ACACB: variants seen among roughly 807,000 people sequenced by gnomAD.
ACACB encodes the protein acetyl-CoA carboxylase 2.
Under a neutral mutation model 278.8 loss-of-function variants are expected in ACACB, and 209 were observed. The ratio of observed to expected loss-of-function variants is 0.75; its 90% CI spans 0.67 to 0.84. ACACB has a LOEUF of 0.84. Ranked by LOEUF, ACACB falls within the 40% of genes least tolerant of loss-of-function variation. ACACB has a pLI of 0.00. For missense variants in ACACB, 2,850 were observed against 3,269.0 expected, an observed-to-expected ratio of 0.87 and a Z score of 3.13; for synonymous variants, 1,174 against 1,285.6, an observed-to-expected ratio of 0.91 and a Z score of 1.86.
chr12:109,210,270 C>CACACATATCTGCGTGTATATGTAT lies in ACACB; in HGVS notation c.3249+918_3249+919insCACATATCTGCGTGTATATGTATA, dbSNP rs1565927678. On this transcript the variant is annotated intron_variant, in intron 21 of 52. Transcript: ENST00000338432. ...ATATACACACATGTGTGTATATGTA[C>CACACATATCTGCGTGTATATGTAT]ATATACACACACATATCTGTGTGTA... Among the ~76,000 whole-genome samples the CACACATATCTGCGTGTATATGTAT allele has an allele frequency of 1.1e-3, 21 of 19,940 alleles. 2 individuals are homozygous for CACACATATCTGCGTGTATATGTAT. Among genetic ancestry groups the CACACATATCTGCGTGTATATGTAT allele is most frequent in the Non-Finnish European group, 1.6e-3 (17 of 10,882 alleles). 13.1% of individuals were successfully genotyped at this position (19,940 alleles called of 152,430 possible). A position where few individuals can be genotyped will look rare whatever the true frequency, so the allele number is the denominator to read the frequency against.
chr12:109,234,286 G>T (rs1170920763), intron 31 of ACACB, among the ~76,000 whole-genome samples: 1 of 152,168 alleles, frequency 6.6e-6, no homozygotes, highest in Non-Finnish European at 1.5e-5. Flanking sequence ...TATATACACG[G>T]CTTAGCCAGT....
chr12:109,115,821 C>T (rs929562178), upstream of ACACB, among the ~76,000 whole-genome samples: 2 of 152,260 alleles, frequency 1.3e-5, no homozygotes, highest in Non-Finnish European at 2.9e-5. Context: ...GCTCAGCGCT[C>T]TCGCCAGTTT....
intron 2 of ACACB, among the ~76,000 whole-genome samples, chr12:109,152,222 A>G (rs528206591): frequency 1.5e-4 from 23 of 152,374 alleles, no homozygotes; most frequent in Non-Finnish European, 2.4e-4. Context: ...TCTCTTCTGC[A>G]TGATCCTAAC....
At chr12:109,246,133 C>G in intron 38 of ACACB, 46 bp from the exon 39 acceptor site, 1 of 1,557,524 alleles carries the variant, frequency 6.4e-7, no homozygotes. Flanking sequence ...AAGTTTTCCC[C>G]CAAAGAAACA....
intron 1 of ACACB, among the ~76,000 whole-genome samples, chr12:109,117,462 C>T (rs246081): frequency 1.3e-5 from 2 of 151,818 alleles, no homozygotes; most frequent in African/African-American, 2.4e-5. Context: ...GACTTTCTTT[C>T]AATGTTGAAA....
chr12:109,179,424 A>G, intron 10 of ACACB, 127 bp downstream of exon 10: 1 of 933,370 alleles, frequency 1.1e-6, no homozygotes, highest in Non-Finnish European at 1.6e-6. Context: ...ATGAGGGCCC[A>G]TTCCAGAGGT....
At chr12:109,145,556 T>G (rs1303228304) in intron 2 of ACACB, among the ~76,000 whole-genome samples, 2 of 152,058 alleles carry the variant, frequency 1.3e-5, no homozygotes, top group Admixed American at 1.3e-4. Context: ...CAAGCATAAA[T>G]TATATTTAAG....
At chr12:109,159,492 T>C (rs974824458) in intron 2 of ACACB, among the ~76,000 whole-genome samples, 8 of 152,156 alleles carry the variant, frequency 5.3e-5, no homozygotes, top group Admixed American at 4.6e-4. Context: ...AACTGTTAAT[T>C]CCATCATGTG....
intron 34 of ACACB, among the ~76,000 whole-genome samples, chr12:109,239,219 G>A (rs999222411): frequency 2.6e-5 from 4 of 152,072 alleles, no homozygotes; most frequent in African/African-American, 7.2e-5. Flanking sequence ...TGGCCAAGCC[G>A]TTTTAATAGG....
At chr12:109,161,880 T>C (rs2043737279) in intron 2 of ACACB, among the ~76,000 whole-genome samples, 1 of 152,092 alleles carries the variant, frequency 6.6e-6, no homozygotes, top group Non-Finnish European at 1.5e-5. Context: ...AGATAACGGC[T>C]CTTAATACTT....
intron 1 of ACACB, among the ~76,000 whole-genome samples, chr12:109,133,863 A>ATATATTTTTTTT (rs55881936): frequency 1.4e-5 from 1 of 70,654 alleles, no homozygotes; most frequent in Non-Finnish European, 2.5e-5. Context: ...ATATATATAT[A>ATATATTTTTTTT]TTTTTTTTTT....
intron 2 of ACACB, among the ~76,000 whole-genome samples, chr12:109,166,128 T>A (rs1281049263): frequency 3.3e-5 from 5 of 151,898 alleles, no homozygotes; most frequent in African/African-American, 1.2e-4. Context: ...AAAGAAAACT[T>A]AAAAACTTCT....
At position 109,174,209 on chromosome 12, in the gene ACACB, A is replaced by T; in HGVS notation, c.1195A>T (p.Thr399Ser). ...TGTCGCCCAGACGCTACAGGTCCCA[A>T]CCCTGCCCTGGAGTGGAAGCGGTAA... ...TVVAQTLQVP[T>S]LPWSGSGLTV... is the part of the protein sequence containing the mutation. Residue 399 changes from threonine (T) to serine (S), a missense_variant, in exon 7 of 53, where the codon ACC becomes TCC. This residue lies in a region of ACACB where 2,265 missense variants were observed against 2,561.3 expected (regional missense o/e 0.88). Coordinates refer to ENST00000338432, the MANE Select transcript of ACACB (RefSeq NM_001093.4). 1 of 1,612,630 alleles carries T rather than the reference A, an allele frequency of 6.2e-7. No individual in the cohort carries two copies. Among genetic ancestry groups the T allele is most frequent in the Non-Finnish European group, 8.5e-7 (1 of 1,179,524 alleles).
intron 12 of ACACB, among the ~76,000 whole-genome samples, chr12:109,185,952 A>T (rs1392140134): frequency 1.3e-5 from 2 of 151,898 alleles, no homozygotes; most frequent in Admixed American, 6.6e-5. Context: ...TTTTTTTGAG[A>T]TGGAGTCTCA....
intron 28 of ACACB, among the ~76,000 whole-genome samples, chr12:109,229,704 T>G (rs1593643258): frequency 1.3e-5 from 2 of 152,188 alleles, no homozygotes; most frequent in African/African-American, 4.8e-5. Flanking sequence ...TACTTTTTTT[T>G]GTAATTTTAG....
In ACACB at chr12:109,243,897, T is replaced by A. The variant is rs573730098; in HGVS notation, c.5178+1305T>A. On this transcript the variant is annotated intron_variant, in intron 37 of 52. Transcript: ENST00000338432. ...TGACATTATATATATATATATATAT[T>A]TATTTATTTATTTATTATACTTTAA... Among the ~76,000 whole-genome samples, 587 of 147,410 alleles carry A rather than the reference T, an allele frequency of 4.0e-3. 7 individuals carry two copies. The highest frequency in any genetic ancestry group is 0.013 in the African/African-American group (538 of 40,562).
intron 1 of ACACB, among the ~76,000 whole-genome samples, chr12:109,125,843 C>T (rs1362506996): frequency 2.0e-5 from 3 of 152,102 alleles, no homozygotes; most frequent in Non-Finnish European, 2.9e-5. Flanking sequence ...TGCACTGTGT[C>T]GCCCAGAGGG....
At chr12:109,234,260 T>C (rs1431345652) in intron 31 of ACACB, among the ~76,000 whole-genome samples, 2 of 152,166 alleles carry the variant, frequency 1.3e-5, no homozygotes, top group Non-Finnish European at 2.9e-5. Flanking sequence ...GGTGTTGCAA[T>C]GATTCAATGA....
chr12:109,146,635 G>A (rs1317511332), intron 2 of ACACB, among the ~76,000 whole-genome samples: 2 of 152,112 alleles, frequency 1.3e-5, no homozygotes, highest in Non-Finnish European at 2.9e-5. Context: ...AAGGGACCCC[G>A]TGCTTGTTTT....
Sources: allele counts gnomAD v4.1 joint callset (sites outside exome capture counted in the v4.1 genomes callset), GRCh38; gene constraint gnomAD v4.1.1; regional missense constraint gnomAD v4.1.1; transcripts MANE v1.5; gene names NCBI Gene and HGNC (gene_info 2026-07-23, HGNC 2026-07-21).